CYBC1: variants seen among roughly 807,000 people sequenced by gnomAD.
CYBC1 encodes the protein cytochrome b-245 chaperone 1, also known as essential for reactive oxygen species protein.
A neutral mutation model predicts 21.7 loss-of-function variants in CYBC1; 22 were observed. The ratio of observed to expected loss-of-function variants is 1.02; its 90% CI spans 0.73 to 1.45. The LOEUF is 1.45. Ranked by LOEUF, CYBC1 falls within the 40% of genes most tolerant of loss-of-function variation. The pLI is 0.00. For synonymous variants in CYBC1, 112 were observed against 98.7 expected (o/e 1.13, Z -0.80); for missense variants, 237 against 242.1 (o/e 0.98, Z 0.14).
At position 82,445,924 on chromosome 17, in the gene CYBC1, A is replaced by G; in HGVS notation, c.238T>C (p.Leu80=). The G allele has an allele frequency of 1.2e-6, 2 of 1,613,858 alleles. No homozygotes were observed. The highest frequency in any genetic ancestry group is 1.7e-6 in the Non-Finnish European group (2 of 1,179,876). The change falls in exon 5 of 7, where the codon TTG becomes CTG. Residue 80 remains leucine (L), a synonymous_variant. Transcript: ENST00000306645. ...IFDKSTGKVV[L]KTFSLYKKLL... is the part of the protein sequence containing the mutation. ...TTCTTGTAGAGGCTGAACGTCTTCA[A>G]AACAACCTTCCCTGTGCTCTTGTCG...
intron 3 of CYBC1, 58 bp from the exon 4 acceptor site, chr17:82,446,754 C>CTA (rs2054317957): frequency 1.3e-6 from 2 of 1,552,458 alleles, no homozygotes; most frequent in South Asian, 2.2e-5. Flanking sequence ...CACGGGAGGC[C>CTA]CCGCCTAGCA....
At chr17:82,446,045 G>A in intron 4 of CYBC1, 85 bp from the exon 5 acceptor site, 2 of 1,066,248 alleles carry the variant, frequency 1.9e-6, no homozygotes, top group Non-Finnish European at 1.4e-6. Flanking sequence ...ACCCTCACCA[G>A]GGTGGACACT....
In CYBC1 at chr17:82,442,767, T is replaced by G; in HGVS notation, c.*1237A>C. On this transcript the variant is annotated 3_prime_UTR_variant, in exon 7 of 7. Coordinates refer to ENST00000306645, the MANE Select transcript of CYBC1 (RefSeq NM_001033046.4). This position sits in a 1 kb window ranked among gnomAD's most constrained non-coding sequence, Gnocchi z 6.8. ...CTTTCACCGAGGTCACAGCCAGACGTGGGGCAAAGGTGTTCCCTGTCCTAC... is the reference window on the plus strand; with the variant it reads ...CTTTCACCGAGGTCACAGCCAGACGGGGGGCAAAGGTGTTCCCTGTCCTAC... 1.6e-6 allele frequency: 1 copy of G among 634,826 alleles called. No individual in the cohort carries two copies. Among genetic ancestry groups the G allele is most frequent in the Non-Finnish European group, 2.7e-6 (1 of 375,664 alleles). 39.3% of individuals were successfully genotyped at this position (634,826 alleles called of 1,614,324 possible).
chr17:82,447,582 C>G lies in CYBC1; in HGVS notation c.125G>C (p.Gly42Ala). The change falls in exon 3 of 7, where the codon GGA becomes GCA. Residue 42 changes from glycine to alanine, a missense_variant and splice_region_variant. Coordinates refer to ENST00000306645, the MANE Select transcript of CYBC1 (RefSeq NM_001033046.4). ...SIGLAAAYYS[G>A]DSLGWKLFYV... Reference sequence around the variant, plus strand: ...GGGTGGGGCGGGGGGTGCTTTACCTCCGCTGTAGTAGGCAGCAGCCAGGCC... The same window carrying G: ...GGGTGGGGCGGGGGGTGCTTTACCTGCGCTGTAGTAGGCAGCAGCCAGGCC... The G allele has an allele frequency of 6.2e-7, 1 of 1,601,258 alleles. No individual in the cohort carries two copies. The highest frequency in any genetic ancestry group is 1.1e-5 in the South Asian group (1 of 87,940).
rs1483823656 is a variant in CYBC1 at position 82,442,659 on chromosome 17, A to T, written c.*1345T>A. On this transcript the variant is annotated 3_prime_UTR_variant, in exon 7 of 7. Transcript: ENST00000306645. The surrounding 1 kb of genome is among the most constrained non-coding windows in gnomAD (Gnocchi z 6.8). ...AGCTGCAGGTGACACGTGAAGGGTT[A>T]TTTATGGTTATGATGACCCTGTCCT... The T allele has an allele frequency of 7.0e-7, 1 of 1,432,552 alleles. No individual in the cohort carries two copies. Among genetic ancestry groups the T allele is most frequent in the African/African-American group, 1.4e-5 (1 of 70,642 alleles). 88.7% of individuals were successfully genotyped at this position (1,432,552 alleles called of 1,614,324 possible).
intron 2 of CYBC1, 87 bp downstream of exon 2, chr17:82,449,083 A>G: frequency 9.3e-7 from 1 of 1,072,300 alleles, no homozygotes; most frequent in Non-Finnish European, 1.3e-6. Context: ...AATAGAAAAA[A>G]GAGAAAATAT....
chr17:82,444,079 C>T lies in CYBC1; in HGVS notation c.489G>A (p.Leu163=), dbSNP rs2054121683. The T allele has an allele frequency of 6.2e-7, 1 of 1,613,340 alleles. No homozygotes were observed. Among genetic ancestry groups the T allele is most frequent in the African/African-American group, 1.3e-5 (1 of 74,920 alleles). The change falls in exon 7 of 7, where the codon CTG becomes CTA. Residue 163 remains leucine, a synonymous_variant. Transcript: ENST00000306645. ...IAKLITSFLE[L]HCLESPTELS... is the part of the protein sequence containing the mutation. ...GCTCTGTGGGGCTCTCAAGGCAGTGCAGCTCCAGGAAGCTGGTGATGAGCT... is the reference window on the plus strand; with the variant it reads ...GCTCTGTGGGGCTCTCAAGGCAGTGTAGCTCCAGGAAGCTGGTGATGAGCT...
chr17:82,446,844 G>T, intron 3 of CYBC1, 148 bp from the exon 4 acceptor site: 1 of 723,498 alleles, frequency 1.4e-6, no homozygotes, highest in Non-Finnish European at 2.3e-6. Context: ...ACCCTGCCCT[G>T]GCCACTCAGG....
At chr17:82,444,289 GGCTGCCCCTGA>G in intron 6 of CYBC1, 147 bp downstream of exon 6, 2 of 1,427,028 alleles carry the variant, frequency 1.4e-6, no homozygotes, top group Non-Finnish European at 9.4e-7. Flanking sequence ...GTCACAGTGG[GGCTGCCCCTGA>G]GCCTGCACAC....
At chr17:82,446,056 CAA>C in intron 4 of CYBC1, 96 bp from the exon 5 acceptor site, 1 of 943,546 alleles carries the variant, frequency 1.1e-6, no homozygotes, top group South Asian at 1.4e-5. Context: ...GGTGGACACT[CAA>C]GAAGGGGGGC....
chr17:82,446,127 G>A (rs1342509291), intron 4 of CYBC1, among the ~76,000 whole-genome samples, 167 bp from the exon 5 acceptor site: 1 of 152,226 alleles, frequency 6.6e-6, no homozygotes, highest in South Asian at 2.1e-4. Context: ...CTCTGTCAGA[G>A]CCGGATATCG....
intron 5 of CYBC1, 79 bp downstream of exon 5, chr17:82,445,785 G>A: frequency 9.2e-7 from 1 of 1,086,076 alleles, no homozygotes; most frequent in Non-Finnish European, 1.3e-6. Context: ...CCCCCCTCTA[G>A]GCCCCGTGAG....
intron 5 of CYBC1, chr17:82,445,594 C>T (rs1420218511): frequency 2.7e-6 from 1 of 364,494 alleles, no homozygotes; most frequent in African/African-American, 2.2e-5. Context: ...CAGACCCCTG[C>T]TCCTCAGACC....
At chr17:82,448,072 C>A (rs2054415272) in intron 2 of CYBC1, 1 of 244,518 alleles carries the variant, frequency 4.1e-6, no homozygotes, top group South Asian at 4.4e-5. Flanking sequence ...GAAATTACAA[C>A]ACAGCGTGTC....
rs552550919 is a variant in CYBC1, at chr17:82,446,779, C to T, written c.128-83G>A. The T allele has an allele frequency of 9.3e-5, 132 of 1,417,428 alleles. 1 individual carries two copies. In the South Asian group the frequency reaches 1.3e-3, roughly 14 times the overall value. 87.8% of individuals were successfully genotyped at this position (1,417,428 alleles called of 1,614,324 possible). A position where few individuals can be genotyped will look rare whatever the true frequency, so the allele number is the denominator to read the frequency against. On this transcript the variant is annotated intron_variant, in intron 3 of 6. Coordinates refer to ENST00000306645, the MANE Select transcript of CYBC1 (RefSeq NM_001033046.4). The stretch of plus-strand genomic sequence containing the variant: ...CCCGCCTAGCACAGCCTCCCCCAGA[C>T]GCTGGCCAGAGCCCACGCTTGCAAG...
chr17:82,449,251 A>G lies in CYBC1; in HGVS notation c.4T>C (p.Tyr2His). 6.4e-7 allele frequency: 1 copy of G among 1,567,576 alleles called. No individual in the cohort carries two copies. The highest frequency in any genetic ancestry group is 8.6e-7 in the Non-Finnish European group (1 of 1,157,248). ...CTGGTGCGGGTCTCCACCTGCAGGT[A>G]CATCCCGAGAGGGCAGCACCACTCT... M[Y>H]LQVETRTSSR... Residue 2 changes from tyrosine to histidine, a missense_variant, in exon 2 of 7, where the codon TAC (tyrosine) becomes CAC (histidine). Coordinates refer to ENST00000306645, the MANE Select transcript of CYBC1 (RefSeq NM_001033046.4).
Position 82,442,837 on chromosome 17 carries a change from G to T in CYBC1, c.*1167C>A, listed in dbSNP as rs1296815694. On this transcript the variant is annotated 3_prime_UTR_variant, in exon 7 of 7. Transcript: ENST00000306645. This position sits in a 1 kb window ranked among gnomAD's most constrained non-coding sequence, Gnocchi z 6.8. Reference sequence around the variant, plus strand: ...CCGCCTAGGGGCTCACAGGGCCCAGGAGTCCCCAGCTCACAGGCCAGGGCA... The same window carrying T: ...CCGCCTAGGGGCTCACAGGGCCCAGTAGTCCCCAGCTCACAGGCCAGGGCA... 4.2e-6 allele frequency: 2 copies of T among 471,922 alleles called. No homozygotes were observed. The highest frequency in any genetic ancestry group is 3.9e-5 in the African/African-American group (2 of 51,732). The allele number at this position is 471,922 out of a possible 1,614,324, so 29.2% of individuals were successfully genotyped here.
At chr17:82,446,794 A>G in intron 3 of CYBC1, 98 bp from the exon 4 acceptor site, 2 of 1,287,100 alleles carry the variant, frequency 1.6e-6, no homozygotes, top group Middle Eastern at 2.0e-4. Flanking sequence ...GCCAGAGCCC[A>G]CGCTTGCAAG....
rs924957422 is a variant in CYBC1 at position 82,446,887 on chromosome 17, C to A, written c.128-191G>T. 8.3e-6 allele frequency: 5 copies of A among 603,804 alleles called. No homozygotes were observed. The East Asian group carries it at 1.4e-4, about 17-fold the overall frequency. The allele number at this position is 603,804 out of a possible 1,614,324, so 37.4% of individuals were successfully genotyped here. A position where few individuals can be genotyped will look rare whatever the true frequency, so the allele number is the denominator to read the frequency against. On this transcript the variant is annotated intron_variant, in intron 3 of 6. Transcript: ENST00000306645. ...CGCGGCACACCCCACCCAGCTCTGA[C>A]CCCCAGAGTCCACGTGAGAGAGGCA...
Sources: allele counts gnomAD v4.1 joint callset (sites outside exome capture counted in the v4.1 genomes callset), GRCh38; gene constraint gnomAD v4.1.1; non-coding constraint Gnocchi (gnomAD v3.1); transcripts MANE v1.5; gene names NCBI Gene and HGNC (gene_info 2026-07-23, HGNC 2026-07-21).